MTARC2: variants seen among roughly 807,000 people sequenced by gnomAD.
MTARC2 encodes the protein MOCO sulphurase C-terminal domain containing 2.
MTARC2 carries 27 observed loss-of-function variants against 35.6 expected under a neutral mutation model. That is an observed-to-expected ratio of 0.76 (90% CI 0.56 to 1.04). The LOEUF (loss-of-function observed/expected upper bound fraction) is 1.04, where lower values mean the gene tolerates loss of function less well. Among genes scored for constraint, MTARC2 ranks in the 50% least tolerant of loss-of-function variants. The pLI is 0.00. For synonymous variants in MTARC2, 158 were observed against 167.1 expected (o/e 0.95, Z 0.42); for missense variants, 412 against 432.5 (o/e 0.95, Z 0.42).
At chr1:220,756,895 A>G (rs1671294531) in intron 2 of MTARC2, among the ~76,000 whole-genome samples, 1 of 152,142 alleles carries the variant, frequency 6.6e-6, no homozygotes. Context: ...ATTGCAGCCT[A>G]TTCTTTTTTA....
chr1:220,758,322 C>T (rs1671338929), intron 2 of MTARC2, among the ~76,000 whole-genome samples: 1 of 151,876 alleles, frequency 6.6e-6, no homozygotes, highest in African/African-American at 2.4e-5. Flanking sequence ...TGTTTTGAAT[C>T]AGCTTTCCCT....
chr1:220,783,177 A>G (rs1248414338), intron 7 of MTARC2, among the ~76,000 whole-genome samples: 1 of 152,256 alleles, frequency 6.6e-6, no homozygotes, highest in East Asian at 1.9e-4. Context: ...TCAGCTTCTT[A>G]TAACATTCAG....
chr1:220,763,835 T>C (rs1427780192), intron 4 of MTARC2, among the ~76,000 whole-genome samples: 1 of 152,232 alleles, frequency 6.6e-6, no homozygotes, highest in Non-Finnish European at 1.5e-5. Context: ...ACGATAACCC[T>C]GTGAAATTTG....
intron 4 of MTARC2, among the ~76,000 whole-genome samples, chr1:220,764,289 CTCCATGTTGGCCAGGCCAGTCT>C (rs553024797): frequency 1.4e-4 from 22 of 152,212 alleles, no homozygotes; most frequent in African/African-American, 5.1e-4. Context: ...GATGGGATTT[CTCCATGTTGGCCAGGCCAGTCT>C]TGAACTCCTG....
intron 4 of MTARC2, among the ~76,000 whole-genome samples, chr1:220,766,716 C>T (rs1308038592): frequency 6.6e-6 from 1 of 152,020 alleles, no homozygotes; most frequent in African/African-American, 2.4e-5. Context: ...ACCTTGCCAA[C>T]CTATAATTTT....
At chr1:220,752,227 T>C (rs2102541207) in intron 1 of MTARC2, among the ~76,000 whole-genome samples, 1 of 152,284 alleles carries the variant, frequency 6.6e-6, no homozygotes, top group South Asian at 2.1e-4. Flanking sequence ...ATTCAGCCCA[T>C]GGAGAAATAA....
At chr1:220,754,831 T>G in intron 1 of MTARC2, 116 bp from the exon 2 acceptor site, 2 of 970,962 alleles carry the variant, frequency 2.1e-6, no homozygotes, top group Non-Finnish European at 3.0e-6. Context: ...TGGAAAATGA[T>G]TGTTAGGTCC....
chr1:220,773,986 CACAT>C (rs1300829667), intron 4 of MTARC2, among the ~76,000 whole-genome samples: 1 of 151,004 alleles, frequency 6.6e-6, no homozygotes, highest in African/African-American at 2.5e-5. Context: ...CACACACACA[CACAT>C]ATAAAATGTG....
rs1226752981 is a variant in MTARC2, at chr1:220,780,298, T to TG, written c.884+62dup. The stretch of plus-strand genomic sequence containing the variant: ...ATTATCTCCACCCCAGAACTACCTA[T>TG]GGGTTTAGGTGCTATGTCTGCTTTA... On this transcript the variant is annotated intron_variant, in intron 6 of 7. Coordinates refer to ENST00000366913, the MANE Select transcript of MTARC2 (RefSeq NM_017898.5). 3.8e-5 allele frequency: 54 copies of TG among 1,434,292 alleles called. 1 individual carries two copies. The highest frequency in any genetic ancestry group is 5.0e-5 in the Non-Finnish European group (52 of 1,041,008). 88.8% of individuals were successfully genotyped at this position (1,434,292 alleles called of 1,614,324 possible).
At position 220,748,813 on chromosome 1, in the gene MTARC2, A is replaced by AGCGCGG; in HGVS notation, c.272+18_272+23dup. On this transcript the variant is annotated intron_variant, in intron 1 of 7. Transcript: ENST00000366913. ...GCAACCTGCGGGACAGGTACAGCACAGCGCGGGCGCGGGGCAGCGCGGAGC... is the reference window on the plus strand; with the variant it reads ...GCAACCTGCGGGACAGGTACAGCACAGCGCGGGCGCGGGCGCGGGGCAGCGCGGAGC... The AGCGCGG allele has an allele frequency of 1.3e-6, 2 of 1,571,106 alleles. No homozygotes were observed. Among genetic ancestry groups the AGCGCGG allele is most frequent in the Non-Finnish European group, 1.7e-6 (2 of 1,160,738 alleles).
intron 4 of MTARC2, among the ~76,000 whole-genome samples, chr1:220,766,860 CAAAA>C (rs59711900): frequency 0.02 from 1,827 of 91,952 alleles, 28 homozygotes; most frequent in East Asian, 0.071. Flanking sequence ...AATAAAAGTA[CAAAA>C]AAAAAAAAAA....
chr1:220,752,849 C>T (rs1272365307), intron 1 of MTARC2, among the ~76,000 whole-genome samples: 1 of 149,368 alleles, frequency 6.7e-6, no homozygotes, highest in Non-Finnish European at 1.5e-5. Flanking sequence ...ACCCTGTCTC[C>T]CTCTCTCTTG....
intron 4 of MTARC2, among the ~76,000 whole-genome samples, 156 bp downstream of exon 4, chr1:220,763,206 A>G (rs1427244417): frequency 6.6e-6 from 1 of 151,634 alleles, no homozygotes; most frequent in African/African-American, 2.4e-5. Context: ...TTGTTCACCC[A>G]TTGTTGCTGC....
At chr1:220,775,377 ACT>A (rs1488520463) in intron 4 of MTARC2, among the ~76,000 whole-genome samples, 1 of 151,810 alleles carries the variant, frequency 6.6e-6, no homozygotes, top group Non-Finnish European at 1.5e-5. Context: ...TTATCCCATC[ACT>A]CTAAGTAAAT....
chr1:220,753,110 C>T (rs931772151), intron 1 of MTARC2, among the ~76,000 whole-genome samples: 2 of 150,970 alleles, frequency 1.3e-5, no homozygotes, highest in Non-Finnish European at 2.9e-5. Flanking sequence ...TGCCTGTAGT[C>T]CCAGCTACAT....
Position 220,784,152 on chromosome 1 carries a change from C to A in MTARC2, c.*265C>A. 3 of 482,626 alleles carry A rather than the reference C, an allele frequency of 6.2e-6. No individual in the cohort carries two copies. Among genetic ancestry groups the A allele is most frequent in the Non-Finnish European group, 3.7e-6 (1 of 267,980 alleles). The allele number at this position is 482,626 out of a possible 1,614,324, so 29.9% of individuals were successfully genotyped here. On this transcript the variant is annotated 3_prime_UTR_variant, in exon 8 of 8. Transcript: ENST00000366913. Reference sequence around the variant, plus strand: ...AGGCTTTAAAAATAATTAAGATCATCAAAAATGCTATTTTGAATGTTATCA... The same window carrying A: ...AGGCTTTAAAAATAATTAAGATCATAAAAAATGCTATTTTGAATGTTATCA...
At chr1:220,755,246 G>A in intron 2 of MTARC2, 126 bp downstream of exon 2, 1 of 1,049,710 alleles carries the variant, frequency 9.5e-7, no homozygotes, top group Non-Finnish European at 1.3e-6. Context: ...ACATTTAAGA[G>A]AAGTGCAGTT....
At chr1:220,769,971 A>T (rs917220312) in intron 4 of MTARC2, among the ~76,000 whole-genome samples, 5 of 141,950 alleles carry the variant, frequency 3.5e-5, no homozygotes, top group Non-Finnish European at 4.5e-5. Context: ...AGCGGGCGTG[A>T]TGGCGGGCGA....
chr1:220,762,872 G>A (rs374115952), intron 3 of MTARC2, 38 bp from the exon 4 acceptor site: 1 of 1,611,202 alleles, frequency 6.2e-7, no homozygotes, highest in Non-Finnish European at 8.5e-7. Flanking sequence ...GCCATTTTGT[G>A]GAGTGGTGGG....
Sources: allele counts gnomAD v4.1 joint callset (sites outside exome capture counted in the v4.1 genomes callset), GRCh38; gene constraint gnomAD v4.1.1; transcripts MANE v1.5; gene names NCBI Gene and HGNC (gene_info 2026-07-23, HGNC 2026-07-21).